The following RP1 variants were observed in gnomAD, a reference collection of about 807,000 sequenced individuals.
RP1 encodes the protein oxygen-regulated protein 1.
Under a neutral mutation model 14.8 loss-of-function variants are expected in RP1, and 16 were observed. The observed-to-expected ratio is 1.08, with a 90% CI of 0.73 to 1.65. The LOEUF (loss-of-function observed/expected upper bound fraction) is 1.65, where lower values mean the gene tolerates loss of function less well. RP1 is among the 40% of genes most tolerant of loss of function. The pLI is 0.00. For missense variants in RP1, 2,631 were observed against 2,535.0 expected (o/e 1.04, Z -0.81); for synonymous variants, 876 against 883.6 (o/e 0.99, Z 0.15).
chr8:54,769,889 C>T, exon 23 of RP1: 2 of 820,648 alleles, frequency 2.4e-6, no homozygotes, highest in Non-Finnish European at 3.8e-6. Context: ...CAGTTTTCCT[C>T]AGAACATCCC....
chr8:54,682,132 A>G (rs1337904340), intron 12 of RP1, among the ~76,000 whole-genome samples: 1 of 152,108 alleles, frequency 6.6e-6, no homozygotes, highest in Non-Finnish European at 1.5e-5. Context: ...GCCTTCCATA[A>G]TGGTTGAACT....
At chr8:54,632,102 A>T (rs1360685900), downstream of RP1, among the ~76,000 whole-genome samples, 1 of 152,124 alleles carries the variant, frequency 6.6e-6, no homozygotes, top group Non-Finnish European at 1.5e-5. Flanking sequence ...TCGGCCTCCC[A>T]AAGTGCTGGG....
exon 8 of RP1, chr8:54,673,867 G>A: frequency 6.5e-7 from 1 of 1,535,550 alleles, no homozygotes; most frequent in Non-Finnish European, 8.7e-7. Flanking sequence ...CCTTTTTCCT[G>A]GAGGCTGTGC....
At chr8:54,559,531 G>A (rs1218448086) in intron 1 of RP1, among the ~76,000 whole-genome samples, 2 of 152,132 alleles carry the variant, frequency 1.3e-5, no homozygotes, top group Non-Finnish European at 2.9e-5. Flanking sequence ...TGGTTGCTGT[G>A]GGGATGGTGA....
chr8:54,652,756 A>C, intron 4 of RP1: 2 of 1,502,888 alleles, frequency 1.3e-6, no homozygotes, highest in Non-Finnish European at 1.8e-6. Flanking sequence ...TTACATTGAA[A>C]GTTGTTCCCT....
At chr8:54,772,990 G>A (rs1167870122), downstream of RP1, among the ~76,000 whole-genome samples, 1 of 152,080 alleles carries the variant, frequency 6.6e-6, no homozygotes, top group Non-Finnish European at 1.5e-5. Flanking sequence ...GGGACAGGTT[G>A]GGTTTTTGAT....
intron 12 of RP1, among the ~76,000 whole-genome samples, chr8:54,680,918 A>T (rs976840519): frequency 6.6e-6 from 1 of 151,672 alleles, no homozygotes; most frequent in South Asian, 2.1e-4. Context: ...AGATAGAGCC[A>T]CTGCACACCA....
intron 1 of RP1, among the ~76,000 whole-genome samples, chr8:54,617,350 C>G (rs565491707): frequency 3.9e-5 from 6 of 152,268 alleles, no homozygotes; most frequent in African/African-American, 1.4e-4. Flanking sequence ...TAAGATACAC[C>G]TTATTATCGA....
At chr8:54,632,709 T>C (rs1806272175), downstream of RP1, among the ~76,000 whole-genome samples, 1 of 152,196 alleles carries the variant, frequency 6.6e-6, no homozygotes, top group Non-Finnish European at 1.5e-5. Context: ...GTATTTTAGT[T>C]ATCCTTAAAA....
intron 6 of RP1, chr8:54,656,323 C>T (rs1252838814): frequency 2.6e-6 from 3 of 1,154,832 alleles, no homozygotes; most frequent in Non-Finnish European, 3.5e-6. Context: ...TTAAGGACTG[C>T]CAGTTTCTTA....
At chr8:54,870,425 T>C (rs929038083) in exon 29 of RP1, 1 of 152,166 alleles carries the variant, frequency 6.6e-6, no homozygotes, top group African/African-American at 2.4e-5. Context: ...TGTTAGACAA[T>C]GGTATGTCTC....
chr8:54,791,271 A>G (rs1810458788), intron 24 of RP1, among the ~76,000 whole-genome samples: 2 of 152,140 alleles, frequency 1.3e-5, no homozygotes, highest in Admixed American at 1.3e-4. Context: ...GAAATGGAGA[A>G]ATAAAGATTT....
At chr8:54,720,793 TTC>T (rs964096216) in intron 16 of RP1, among the ~76,000 whole-genome samples, 1 of 152,242 alleles carries the variant, frequency 6.6e-6, no homozygotes, top group African/African-American at 2.4e-5. Flanking sequence ...TGAAACTGGT[TTC>T]TCTCATATCT....
At chr8:54,802,877 T>C (rs1810747366) in intron 24 of RP1, among the ~76,000 whole-genome samples, 1 of 152,188 alleles carries the variant, frequency 6.6e-6, no homozygotes, top group African/African-American at 2.4e-5. Flanking sequence ...TGAAACAAAA[T>C]CTTCTATAGC....
intron 16 of RP1, among the ~76,000 whole-genome samples, chr8:54,722,364 G>A (rs1022214587): frequency 4.0e-5 from 6 of 150,464 alleles, no homozygotes; most frequent in African/African-American, 4.9e-5. Flanking sequence ...TCCACCTCCC[G>A]GGTTCACGCC....
intron 24 of RP1, among the ~76,000 whole-genome samples, chr8:54,805,904 T>C (rs1810836910): frequency 6.6e-6 from 1 of 152,222 alleles, no homozygotes; most frequent in African/African-American, 2.4e-5. Flanking sequence ...TGCTAAAAGA[T>C]AATCTTTGAT....
intron 24 of RP1, among the ~76,000 whole-genome samples, chr8:54,821,368 C>CA (rs1159286476): frequency 3.3e-5 from 5 of 151,348 alleles, no homozygotes; most frequent in South Asian, 2.1e-4. Context: ...GGTGGACATC[C>CA]AAAAAAAACA....
At chr8:54,833,330 G>T (rs1811577654) in intron 24 of RP1, among the ~76,000 whole-genome samples, 1 of 151,844 alleles carries the variant, frequency 6.6e-6, no homozygotes, top group Non-Finnish European at 1.5e-5. Context: ...TATTTTCAAG[G>T]GTAAGGTCTT....
intron 28 of RP1, among the ~76,000 whole-genome samples, chr8:54,866,302 C>T (rs947929394): frequency 1.3e-5 from 2 of 152,106 alleles, no homozygotes; most frequent in African/African-American, 2.4e-5. Flanking sequence ...ACCTGCTTCC[C>T]CTAGTTCATT....
Sources: gnomAD v4.1 joint callset for allele counts (sites outside exome capture counted in the v4.1 genomes callset) on GRCh38, gnomAD v4.1.1 for gene constraint, MANE v1.5 for transcripts, NCBI Gene and HGNC (gene_info 2026-07-23, HGNC 2026-07-21) for gene names.